The following FLRT2 variants were observed in gnomAD, a reference collection of about 807,000 sequenced individuals.
The protein encoded by FLRT2 is fibronectin leucine rich transmembrane protein 2.
In FLRT2, 15 loss-of-function variants were observed where a neutral mutation model predicts 40.0. The observed-to-expected ratio is 0.38, with a 90% CI of 0.25 to 0.58. FLRT2 has a LOEUF of 0.58. Among genes scored for constraint, FLRT2 ranks in the 20% least tolerant of loss-of-function variants. FLRT2 has a pLI of 0.71. For synonymous variants in FLRT2, 380 were observed against 336.8 expected (o/e 1.13, Z -1.41); for missense variants, 726 against 840.0 (o/e 0.86, Z 1.68).
intron 1 of FLRT2, among the ~76,000 whole-genome samples, chr14:85,588,051 C>G (rs1891708780): frequency 6.6e-6 from 1 of 152,212 alleles, no homozygotes; most frequent in Middle Eastern, 3.4e-3. Context: ...CCTGCCTCAG[C>G]CTCCCGAGTG....
intron 1 of FLRT2, among the ~76,000 whole-genome samples, chr14:85,610,334 T>G (rs904574229): frequency 4.6e-5 from 7 of 152,214 alleles, no homozygotes; most frequent in Non-Finnish European, 1.0e-4. Flanking sequence ...TCCAGGCTCT[T>G]GTTCTTGATA....
intron 1 of FLRT2, among the ~76,000 whole-genome samples, chr14:85,556,668 T>C (rs988654242): frequency 7.9e-5 from 12 of 152,208 alleles, no homozygotes; most frequent in African/African-American, 2.9e-4. Flanking sequence ...ATGTAGAGCC[T>C]GGAGATAAGA....
intron 1 of FLRT2, among the ~76,000 whole-genome samples, chr14:85,543,947 A>G (rs1235020307): frequency 3.9e-5 from 6 of 151,990 alleles, no homozygotes; most frequent in African/African-American, 9.7e-5. Context: ...GACTTTAGGA[A>G]CTTTGGCCCA....
intron 1 of FLRT2, among the ~76,000 whole-genome samples, chr14:85,555,874 A>G (rs539581592): frequency 6.6e-6 from 1 of 152,054 alleles, no homozygotes; most frequent in Non-Finnish European, 1.5e-5. Flanking sequence ...AGATCTTAAA[A>G]TGAATCTGGT....
chr14:85,644,702 G>A lies in FLRT2; in HGVS notation c.*21205G>A, dbSNP rs1177542437. ...ATACTAGTTTTAGATGCGCTGCTTC[G>A]ATACTTTGGATTCAATACTTAGTAA... is the stretch of plus-strand genomic sequence containing the variant. On this transcript the variant is annotated 3_prime_UTR_variant, in exon 2 of 2. Transcript: ENST00000330753. 1 of 152,150 alleles carries A rather than the reference G, an allele frequency of 6.6e-6. No individual in the cohort carries two copies. The highest frequency in any genetic ancestry group is 1.5e-5 in the Non-Finnish European group (1 of 68,022). 9.4% of individuals were successfully genotyped at this position (152,150 alleles called of 1,614,324 possible).
At position 85,651,184 on chromosome 14, in the gene FLRT2, A is replaced by G. The variant is rs531557631; in HGVS notation, c.*27687A>G. 1 of 152,038 alleles carries G rather than the reference A, an allele frequency of 6.6e-6. No individual in the cohort carries two copies. The highest frequency in any genetic ancestry group is 1.5e-5 in the Non-Finnish European group (1 of 68,004). The allele number at this position is 152,038 out of a possible 1,614,324, so 9.4% of individuals were successfully genotyped here. A position where few individuals can be genotyped will look rare whatever the true frequency, so the allele number is the denominator to read the frequency against. On this transcript the variant is annotated 3_prime_UTR_variant, in exon 2 of 2. Coordinates refer to ENST00000330753, the MANE Select transcript of FLRT2 (RefSeq NM_013231.6). The stretch of plus-strand genomic sequence containing the variant: ...TAATGTCTCAAAACTTTTTTGGTAT[A>G]TAGATATCTTTAATTACATATTTCT...
intron 1 of FLRT2, among the ~76,000 whole-genome samples, chr14:85,545,561 T>C (rs1889233163): frequency 6.6e-6 from 1 of 152,246 alleles, no homozygotes; most frequent in African/African-American, 2.4e-5. Context: ...TCCAACTTTC[T>C]ATATTTGTCT....
chr14:85,650,703 C>T lies in FLRT2; in HGVS notation c.*27206C>T, dbSNP rs1271440516. 1 of 151,672 alleles carries T rather than the reference C, an allele frequency of 6.6e-6. No homozygotes were observed. Among genetic ancestry groups the T allele is most frequent in the Non-Finnish European group, 1.5e-5 (1 of 67,922 alleles). 9.4% of individuals were successfully genotyped at this position (151,672 alleles called of 1,614,324 possible). A position where few individuals can be genotyped will look rare whatever the true frequency, so the allele number is the denominator to read the frequency against. On this transcript the variant is annotated 3_prime_UTR_variant, in exon 2 of 2. Coordinates refer to ENST00000330753, the MANE Select transcript of FLRT2 (RefSeq NM_013231.6). ...GATTTTAATTTGTACTTCCCCAGTTCCTGTTGTGTTTAAGTTTGTTTTTTA... is the reference window on the plus strand; with the variant it reads ...GATTTTAATTTGTACTTCCCCAGTTTCTGTTGTGTTTAAGTTTGTTTTTTA...
rs576207213 is a variant in FLRT2 at position 85,604,124 on chromosome 14, AGTATCTTGAGGGTGGGATGG to A, written c.-376-17012_-376-16993del. 4.7e-4 allele frequency among the ~76,000 whole-genome samples: 71 copies of A among 152,138 alleles called. 1 individual carries two copies. In the East Asian group the frequency reaches 0.012, roughly 26 times the overall value. Reference sequence around the variant, plus strand: ...CTAGTTAGTGAAAACATTTTTGTGGAGTATCTTGAGGGTGGGATGGGTTGGAAATTGTCACATATTTTAAG... The same window carrying A: ...CTAGTTAGTGAAAACATTTTTGTGGAGTTGGAAATTGTCACATATTTTAAG... On this transcript the variant is annotated intron_variant, in intron 1 of 1. Coordinates refer to ENST00000330753, the MANE Select transcript of FLRT2 (RefSeq NM_013231.6).
chr14:85,622,472 T>G lies in FLRT2; in HGVS notation c.958T>G (p.Trp320Gly). The G allele has an allele frequency of 6.2e-7, 1 of 1,614,146 alleles. No homozygotes were observed. The highest frequency in any genetic ancestry group is 1.1e-5 in the South Asian group (1 of 91,078). Reference protein sequence around the residue: ...NPWFCDCSIKWVTEWLKYIPS... With the variant: ...NPWFCDCSIKGVTEWLKYIPS... ...TTGGTTTTGTGACTGCAGTATTAAATGGGTCACAGAATGGCTCAAATATAT... is the reference window on the plus strand; with the variant it reads ...TTGGTTTTGTGACTGCAGTATTAAAGGGGTCACAGAATGGCTCAAATATAT... Residue 320 changes from tryptophan to glycine, a missense_variant, in exon 2 of 2, where the codon TGG becomes GGG. Around this residue, in one of 3 missense-constraint regions of FLRT2, gnomAD observed 611 missense variants for 690.0 expected, o/e 0.89. Coordinates refer to ENST00000330753, the MANE Select transcript of FLRT2 (RefSeq NM_013231.6).
intron 1 of FLRT2, among the ~76,000 whole-genome samples, chr14:85,610,398 A>C (rs1269092598): frequency 2.0e-5 from 3 of 152,132 alleles, no homozygotes; most frequent in East Asian, 3.9e-4. Context: ...TCAGCTCTTT[A>C]TTGGCTAGAT....
chr14:85,610,538 T>C (rs1292534102), intron 1 of FLRT2, among the ~76,000 whole-genome samples: 2 of 152,346 alleles, frequency 1.3e-5, no homozygotes, highest in Non-Finnish European at 2.9e-5. Flanking sequence ...TTAAAACTCT[T>C]GGCCCTATTT....
chr14:85,535,797 T>G (rs943671351), intron 1 of FLRT2, among the ~76,000 whole-genome samples: 2 of 151,736 alleles, frequency 1.3e-5, no homozygotes, highest in East Asian at 1.9e-4. Context: ...CATTATTCCA[T>G]GTCTCTGCCA....
At chr14:85,577,495 A>G (rs1433874173) in intron 1 of FLRT2, among the ~76,000 whole-genome samples, 2 of 152,106 alleles carry the variant, frequency 1.3e-5, no homozygotes, top group Non-Finnish European at 2.9e-5. Context: ...GCTCCCTTTC[A>G]AGACTCTGTT....
chr14:85,568,005 G>A (rs959555869), intron 1 of FLRT2, among the ~76,000 whole-genome samples: 13 of 151,984 alleles, frequency 8.6e-5, no homozygotes, highest in African/African-American at 2.2e-4. Flanking sequence ...ATGACTTGCC[G>A]TCCTCTCAGC....
intron 1 of FLRT2, among the ~76,000 whole-genome samples, chr14:85,584,315 C>T (rs1466942153): frequency 6.6e-6 from 1 of 152,082 alleles, no homozygotes; most frequent in African/African-American, 2.4e-5. Flanking sequence ...GCACTTATTT[C>T]CTTGTTTAAA....
intron 1 of FLRT2, among the ~76,000 whole-genome samples, chr14:85,538,678 TA>T (rs1888812746): frequency 6.6e-6 from 1 of 152,124 alleles, no homozygotes; most frequent in African/African-American, 2.4e-5. Context: ...CCAAAGTTTA[TA>T]GATGATATTA....
chr14:85,604,791 G>A (rs917420753), intron 1 of FLRT2, among the ~76,000 whole-genome samples: 1 of 152,182 alleles, frequency 6.6e-6, no homozygotes, highest in Non-Finnish European at 1.5e-5. Flanking sequence ...CCTTCAAAGA[G>A]TGCTTAGAAA....
At chr14:85,612,061 C>CAA (rs11298272) in intron 1 of FLRT2, among the ~76,000 whole-genome samples, 4 of 62,260 alleles carry the variant, frequency 6.4e-5, no homozygotes, top group African/African-American at 1.2e-4. Flanking sequence ...ACTTACTTTT[C>CAA]AAAAAAAAAA....
Sources: allele counts gnomAD v4.1 joint callset (sites outside exome capture counted in the v4.1 genomes callset), GRCh38; gene constraint gnomAD v4.1.1; regional missense constraint gnomAD v4.1.1; transcripts MANE v1.5; gene names NCBI Gene and HGNC (gene_info 2026-07-23, HGNC 2026-07-21).